LARGE1: variants seen among roughly 807,000 people sequenced by gnomAD.
The protein encoded by LARGE1 is xylosyl- and glucuronyltransferase LARGE1.
LARGE1 carries 43 observed loss-of-function variants against 87.6 expected under a neutral mutation model. The observed-to-expected ratio is 0.49, with a 90% CI of 0.38 to 0.63. The LOEUF (loss-of-function observed/expected upper bound fraction) is 0.63. Among genes scored for constraint, LARGE1 ranks in the 30% least tolerant of loss-of-function variants. The probability of loss-of-function intolerance (pLI) is 0.00; values close to 1 mark genes in which losing one functional copy is unlikely to be tolerated. For missense variants in LARGE1, 802 were observed against 1,000.2 expected (o/e 0.80, Z 2.67); for synonymous variants, 434 against 394.6 (o/e 1.10, Z -1.18).
intron 11 of LARGE1, 90 bp downstream of exon 11, chr22:33,315,995 C>T: frequency 7.0e-7 from 1 of 1,431,976 alleles, no homozygotes; most frequent in African/African-American, 1.4e-5. Flanking sequence ...AGCAGATGCA[C>T]TGGGAAGCAG....
At chr22:33,693,167 G>A (rs1003173108) in intron 2 of LARGE1, among the ~76,000 whole-genome samples, 8 of 152,258 alleles carry the variant, frequency 5.3e-5, no homozygotes, top group South Asian at 2.1e-4. Flanking sequence ...AACACCACAC[G>A]TTTTCACTTA....
intron 6 of LARGE1, among the ~76,000 whole-genome samples, chr22:33,504,801 A>T (rs80188319): frequency 4.6e-5 from 7 of 152,090 alleles, no homozygotes; most frequent in South Asian, 2.1e-4. Context: ...ACTCACATTT[A>T]AAAAAAATAA....
intron 7 of LARGE1, among the ~76,000 whole-genome samples, chr22:33,418,635 G>A (rs866878505): frequency 1.3e-5 from 2 of 152,108 alleles, no homozygotes; most frequent in Non-Finnish European, 2.9e-5. Flanking sequence ...GCAGAAGAGC[G>A]GTCCAGGCAA....
intron 1 of LARGE1, among the ~76,000 whole-genome samples, chr22:33,761,853 C>T (rs1191238272): frequency 6.6e-6 from 1 of 152,120 alleles, no homozygotes; most frequent in African/African-American, 2.4e-5. Flanking sequence ...CCTGAACTAA[C>T]ATACTTAAAG....
At chr22:33,866,447 T>G (rs1262200180) in intron 1 of LARGE1, among the ~76,000 whole-genome samples, 1 of 152,198 alleles carries the variant, frequency 6.6e-6, no homozygotes, top group Non-Finnish European at 1.5e-5. Context: ...CATCGGATGG[T>G]GCAGATGGAG....
chr22:33,506,465 C>G (rs1477254875), intron 6 of LARGE1, among the ~76,000 whole-genome samples: 1 of 152,152 alleles, frequency 6.6e-6, no homozygotes, highest in Non-Finnish European at 1.5e-5. Flanking sequence ...TACAATTCCA[C>G]CCGGGGAGGA....
chr22:33,849,424 C>T (rs1032242555), intron 1 of LARGE1, among the ~76,000 whole-genome samples: 5 of 152,038 alleles, frequency 3.3e-5, no homozygotes, highest in Non-Finnish European at 1.5e-5. Context: ...AGGGTGAGGG[C>T]AGGAGCTCCA....
At chr22:33,293,840 G>A (rs1328498783) in intron 12 of LARGE1, among the ~76,000 whole-genome samples, 1 of 152,174 alleles carries the variant, frequency 6.6e-6, no homozygotes, top group Non-Finnish European at 1.5e-5. Flanking sequence ...CCACCCATGA[G>A]TCTCTCAAAC....
intron 6 of LARGE1, among the ~76,000 whole-genome samples, chr22:33,523,826 T>G (rs1356004075): frequency 1.3e-5 from 2 of 152,232 alleles, no homozygotes; most frequent in Admixed American, 1.3e-4. Flanking sequence ...TTTCTGCCAA[T>G]GTTGGTATCT....
intron 9 of LARGE1, among the ~76,000 whole-genome samples, chr22:33,339,118 A>T (rs1938841576): frequency 6.6e-6 from 1 of 150,964 alleles, no homozygotes; most frequent in South Asian, 2.1e-4. Context: ...ACTGCACTCC[A>T]GCCTGGGCAA....
chr22:33,645,334 A>G (rs2080574069), intron 3 of LARGE1, among the ~76,000 whole-genome samples: 1 of 152,204 alleles, frequency 6.6e-6, no homozygotes, highest in South Asian at 2.1e-4. Flanking sequence ...CAAAAACAAG[A>G]AATAGGGAAA....
chr22:33,728,576 A>AAAAACAAAC (rs56192894), intron 2 of LARGE1, among the ~76,000 whole-genome samples: 1 of 103,732 alleles, frequency 9.6e-6, no homozygotes, highest in Non-Finnish European at 2.1e-5. Context: ...AAAAAAAAAA[A>AAAAACAAAC]AAACCAACAA....
At chr22:33,380,099 C>T (rs1033597996) in intron 9 of LARGE1, among the ~76,000 whole-genome samples, 1 of 152,160 alleles carries the variant, frequency 6.6e-6, no homozygotes, top group Non-Finnish European at 1.5e-5. Context: ...GCTTTCTTTA[C>T]TTGCTTTATG....
At chr22:33,110,104 C>T in the LARGE1 span, among the ~76,000 whole-genome samples, 2 of 152,376 alleles carry the variant, frequency 1.3e-5, no homozygotes, top group South Asian at 4.1e-4. Context: ...ATACTGTCCA[C>T]CACCAAAACT....
chr22:33,821,496 T>C (rs1015162565), intron 1 of LARGE1, among the ~76,000 whole-genome samples: 10 of 152,120 alleles, frequency 6.6e-5, no homozygotes, highest in Non-Finnish European at 1.5e-4. Flanking sequence ...GTCTGACAAA[T>C]GTTTGTCTGA....
intron 6 of LARGE1, among the ~76,000 whole-genome samples, chr22:33,462,017 T>G (rs2068402333): frequency 6.6e-6 from 1 of 152,216 alleles, no homozygotes; most frequent in South Asian, 2.1e-4. Context: ...CTATGAGACA[T>G]AACAAATCCA....
At chr22:33,799,659 C>A (rs918878711) in intron 1 of LARGE1, among the ~76,000 whole-genome samples, 4 of 152,100 alleles carry the variant, frequency 2.6e-5, no homozygotes, top group African/African-American at 9.7e-5. Flanking sequence ...TCTCGAACTT[C>A]CAACCTCGGC....
intron 6 of LARGE1, among the ~76,000 whole-genome samples, chr22:33,521,731 T>C (rs895232820): frequency 6.6e-5 from 10 of 152,208 alleles, no homozygotes; most frequent in Admixed American, 2.6e-4. Flanking sequence ...CACATTCTAA[T>C]GCAGAGTACT....
chr22:33,463,295 C>T (rs2068453981), intron 6 of LARGE1, among the ~76,000 whole-genome samples: 1 of 151,262 alleles, frequency 6.6e-6, no homozygotes, highest in South Asian at 2.1e-4. Context: ...AAAGAAAATA[C>T]AAATACAAAA....
Sources: gnomAD v4.1 joint callset for allele counts (sites outside exome capture counted in the v4.1 genomes callset) on GRCh38, gnomAD v4.1.1 for gene constraint, MANE v1.5 for transcripts, NCBI Gene and HGNC (gene_info 2026-07-23, HGNC 2026-07-21) for gene names.